ZNF33B: variants seen among roughly 807,000 people sequenced by gnomAD.
ZNF33B encodes the protein zinc finger protein 11b (KOX 2).
ZNF33B carries 29 observed loss-of-function variants against 45.8 expected under a neutral mutation model. The observed-to-expected ratio is 0.63, with a 90% confidence interval of 0.47 to 0.86. The LOEUF (loss-of-function observed/expected upper bound fraction) is 0.86. Among genes scored for constraint, ZNF33B ranks in the 40% least tolerant of loss-of-function variants. The pLI, the probability that ZNF33B is intolerant of heterozygous loss-of-function variation, is 0.00. For synonymous variants in ZNF33B, 305 were observed against 307.8 expected, an observed-to-expected ratio of 0.99 and a Z score of 0.10; for missense variants, 831 against 909.9, an observed-to-expected ratio of 0.91 and a Z score of 1.12.
intron 4 of ZNF33B, among the ~76,000 whole-genome samples, chr10:42,613,289 T>C (rs551094658): frequency 3.3e-5 from 5 of 152,294 alleles, no homozygotes; most frequent in African/African-American, 1.2e-4. Flanking sequence ...CTCTCACCTT[T>C]AATCCCAGCA....
chr10:42,587,047 A>G (rs1450668657), downstream of ZNF33B, among the ~76,000 whole-genome samples: 2 of 152,024 alleles, frequency 1.3e-5, no homozygotes, highest in Admixed American at 1.3e-4. Flanking sequence ...GTCAGAAAGG[A>G]GAGGGGCAAA....
downstream of ZNF33B, among the ~76,000 whole-genome samples, chr10:42,585,223 A>G (rs1271083784): frequency 6.6e-5 from 10 of 152,334 alleles, no homozygotes; most frequent in Admixed American, 4.6e-4. Flanking sequence ...ACTGTCCTGC[A>G]GGCACCACGG....
intron 4 of ZNF33B, among the ~76,000 whole-genome samples, chr10:42,597,737 TA>T (rs952781671): frequency 6.6e-6 from 1 of 152,204 alleles, no homozygotes; most frequent in East Asian, 1.9e-4. Flanking sequence ...CAATAAAAGT[TA>T]AAAAAATACA....
chr10:42,610,511 C>A (rs531621251), intron 4 of ZNF33B, among the ~76,000 whole-genome samples: 2 of 152,302 alleles, frequency 1.3e-5, no homozygotes, highest in South Asian at 4.1e-4. Context: ...GCACTCCACC[C>A]TGGGCAATAA....
At chr10:42,603,303 G>T (rs1837704226) in intron 4 of ZNF33B, among the ~76,000 whole-genome samples, 1 of 152,176 alleles carries the variant, frequency 6.6e-6, no homozygotes, top group African/African-American at 2.4e-5. Context: ...ACTTTGTTCA[G>T]AACAGAGTTT....
At chr10:42,577,557 G>A (rs536787057) in intron 1 of ZNF33B, among the ~76,000 whole-genome samples, 1 of 152,104 alleles carries the variant, frequency 6.6e-6, no homozygotes, top group African/African-American at 2.4e-5. Flanking sequence ...AAGCCCCAAG[G>A]CTTCTGATTC....
In ZNF33B at chr10:42,592,558, A is replaced by C; in HGVS notation, c.*55T>G. ...CAACAGGCCCTTCTCCACAGTGTGA[A>C]GACTCTGAGGCATTATGGAGGCTGA... On this transcript the variant is annotated 3_prime_UTR_variant, in exon 5 of 5. Transcript: ENST00000359467. 2.6e-6 allele frequency: 4 copies of C among 1,567,290 alleles called. No individual in the cohort carries two copies. In the South Asian group the frequency reaches 4.9e-5, roughly 19 times the overall value.
At chr10:42,637,891 G>T (rs1427522859) in intron 1 of ZNF33B, among the ~76,000 whole-genome samples, 3 of 152,178 alleles carry the variant, frequency 2.0e-5, no homozygotes, top group African/African-American at 7.2e-5. Flanking sequence ...GACCTCAGGT[G>T]ATCCACCCTC....
At chr10:42,626,963 T>G (rs209393) in intron 4 of ZNF33B, among the ~76,000 whole-genome samples, 27,629 of 151,854 alleles carry the variant, frequency 0.18, 3,951 homozygotes, top group African/African-American at 0.39. Context: ...GTAATAGTTT[T>G]TGGTTTCTGA....
chr10:42,616,579 G>A (rs952409482), intron 4 of ZNF33B, among the ~76,000 whole-genome samples: 54 of 152,092 alleles, frequency 3.6e-4, no homozygotes, highest in African/African-American at 1.3e-3. Context: ...CTGTGTAATG[G>A]ACAGTAGATC....
At chr10:42,606,476 A>T (rs960866427) in intron 4 of ZNF33B, among the ~76,000 whole-genome samples, 8 of 152,176 alleles carry the variant, frequency 5.3e-5, no homozygotes, top group Admixed American at 3.9e-4. Context: ...GGGGGAAAAA[A>T]AATAGGTACA....
intron 2 of ZNF33B, among the ~76,000 whole-genome samples, chr10:42,635,526 A>G (rs1246165151): frequency 6.6e-6 from 1 of 152,178 alleles, no homozygotes; most frequent in African/African-American, 2.4e-5. Context: ...ACACATGTAG[A>G]AATAAGATTC....
intron 4 of ZNF33B, chr10:42,631,714 T>C (rs1589073245): frequency 1.9e-6 from 1 of 517,216 alleles, no homozygotes; most frequent in Admixed American, 3.3e-5. Context: ...GGTGTAAGAA[T>C]GGTAAACCTT....
chr10:42,622,532 A>G (rs1838635336), intron 4 of ZNF33B, among the ~76,000 whole-genome samples: 1 of 152,220 alleles, frequency 6.6e-6, no homozygotes, highest in Admixed American at 6.5e-5. Context: ...TACACTGCCT[A>G]TGGTCAACTG....
intron 1 of ZNF33B, chr10:42,581,518 G>A (rs991249069): frequency 5.3e-5 from 8 of 150,978 alleles, no homozygotes; most frequent in African/African-American, 1.9e-4. Flanking sequence ...ATGGAGATTG[G>A]CTGGAGCACT....
rs764139765 is a variant in ZNF33B, at chr10:42,627,496, T to G, written c.250+4433A>C. On this transcript the variant is annotated intron_variant, in intron 4 of 4. Transcript: ENST00000359467. ...CCACAGAACCCTATGTTTCATTAGT[T>G]TTCTCTACTTTTTCCTATTTTCAAT... Among the ~76,000 whole-genome samples, 3 of 152,202 alleles carry G rather than the reference T, an allele frequency of 2.0e-5. 1 individual carries two copies. Among genetic ancestry groups the G allele is most frequent in the Non-Finnish European group, 4.4e-5 (3 of 68,036 alleles).
intron 2 of ZNF33B, among the ~76,000 whole-genome samples, chr10:42,633,918 G>A (rs1451669227): frequency 2.6e-5 from 4 of 151,290 alleles, no homozygotes; most frequent in Non-Finnish European, 4.4e-5. Context: ...GCAGTCAGCC[G>A]AGGTCGGCAC....
At chr10:42,638,324 C>G (rs1839435962) in intron 1 of ZNF33B, 150 bp downstream of exon 1, 2 of 307,262 alleles carry the variant, frequency 6.5e-6, no homozygotes, top group Non-Finnish European at 1.3e-5. Context: ...GGCGTAGCGT[C>G]CTGGTAGACA....
chr10:42,595,988 GAA>G (rs957497526), intron 4 of ZNF33B, among the ~76,000 whole-genome samples: 8 of 151,298 alleles, frequency 5.3e-5, no homozygotes, highest in African/African-American at 1.7e-4. Flanking sequence ...GAATGAAACA[GAA>G]AAAAGAGAAG....
Sources: gnomAD v4.1 joint callset for allele counts (sites outside exome capture counted in the v4.1 genomes callset) on GRCh38, gnomAD v4.1.1 for gene constraint, MANE v1.5 for transcripts, NCBI Gene and HGNC (gene_info 2026-07-23, HGNC 2026-07-21) for gene names.